Variants in KCNMB3 observed in about 807,000 individuals in gnomAD.
KCNMB3 encodes the protein calcium-activated potassium channel subunit beta-3.
Under a neutral mutation model 11.9 loss-of-function variants are expected in KCNMB3, and 18 were observed. The ratio of observed to expected loss-of-function variants is 1.51; its 90% confidence interval spans 1.04 to 2.23. The LOEUF (loss-of-function observed/expected upper bound fraction) is 2.23, where lower values mean the gene tolerates loss of function less well. KCNMB3 is among the 30% of genes most tolerant of loss of function. The probability of loss-of-function intolerance (pLI) is 0.00; values close to 1 mark genes in which losing one functional copy is unlikely to be tolerated. For synonymous variants in KCNMB3, 78 were observed against 119.2 expected (o/e 0.65, Z 2.25); for missense variants, 247 against 329.4 (o/e 0.75, Z 1.94).
At position 179,244,664 on chromosome 3, in the gene KCNMB3, G is replaced by A; in HGVS notation, c.278C>T (p.Ala93Val). 1 of 1,613,806 alleles carries A rather than the reference G, an allele frequency of 6.2e-7. No individual in the cohort carries two copies. The highest frequency in any genetic ancestry group is 1.3e-5 in the African/African-American group (1 of 74,898). Residue 93 changes from alanine (A) to valine (V), a missense_variant, in exon 2 of 3, where the codon GCC (alanine) becomes GTC (valine). Physicochemically the swap from Ala to Val is moderately conservative, Grantham distance 64. Transcript: ENST00000392685. ...SIQREESTCT[A>V]IHTDIMDDWL... ...GTCGTCCATGATATCTGTGTGGATG[G>A]CAGTGCAGGTCGATTCTTCTCTCTG...
intron 1 of KCNMB3, among the ~76,000 whole-genome samples, chr3:179,248,147 G>A (rs927178018): frequency 4.6e-5 from 7 of 151,952 alleles, no homozygotes; most frequent in Non-Finnish European, 8.8e-5. Flanking sequence ...CAAGTCTTAC[G>A]TCAGAATGAC....
rs1410148138 is a variant in KCNMB3, at chr3:179,266,803, A to G, written c.-93T>C. On this transcript the variant is annotated 5_prime_UTR_variant, in exon 1 of 4. Coordinates refer to the KCNMB3 transcript ENST00000349697. ...GAAGCTTAGACATCCACGGAAGTGGAGTCCCAGCGGGAGCCCCCAGCCCCC... is the reference window on the plus strand; with the variant it reads ...GAAGCTTAGACATCCACGGAAGTGGGGTCCCAGCGGGAGCCCCCAGCCCCC... 22 of 1,527,190 alleles carry G rather than the reference A, an allele frequency of 1.4e-5. No homozygotes were observed. The Admixed American group carries it at 4.4e-4, about 31-fold the overall frequency. 94.6% of individuals were successfully genotyped at this position (1,527,190 alleles called of 1,614,324 possible). A position where few individuals can be genotyped will look rare whatever the true frequency, so the allele number is the denominator to read the frequency against.
At chr3:179,265,565 T>C (rs1231696035) in intron 1 of KCNMB3, among the ~76,000 whole-genome samples, 1 of 152,180 alleles carries the variant, frequency 6.6e-6, no homozygotes, top group African/African-American at 2.4e-5. Flanking sequence ...CAAGCAATTC[T>C]CCAGCCTCAG....
chr3:179,247,605 C>A (rs545821404), intron 1 of KCNMB3, among the ~76,000 whole-genome samples: 1 of 152,114 alleles, frequency 6.6e-6, no homozygotes, highest in African/African-American at 2.4e-5. Flanking sequence ...GGTTTCCTAG[C>A]AGCCAAAGCA....
intron 1 of KCNMB3, among the ~76,000 whole-genome samples, chr3:179,248,802 A>T (rs1342754886): frequency 3.3e-5 from 5 of 151,994 alleles, no homozygotes; most frequent in East Asian, 1.9e-4. Flanking sequence ...CAGTTGATTA[A>T]GACATATTTT....
chr3:179,260,081 GTCA>G (rs1318238556), intron 1 of KCNMB3: 4 of 1,608,500 alleles, frequency 2.5e-6, no homozygotes, highest in Non-Finnish European at 2.6e-6. Flanking sequence ...CCATACATCT[GTCA>G]TCATGATAAA....
intron 1 of KCNMB3, among the ~76,000 whole-genome samples, chr3:179,256,713 GA>G (rs1318479310): frequency 6.6e-6 from 1 of 151,546 alleles, no homozygotes; most frequent in Admixed American, 6.6e-5. Context: ...GAATGGAAGG[GA>G]AAAAAATCAA....
rs1553827883 is a variant in KCNMB3 at position 179,244,702 on chromosome 3, T to TGA, written c.249-11_249-10dup. ...ATTCTTCTCTCTGAATGCTTCAATT[T>TGA]GAAAAAAAAAAAATGTTCTTCACTT... On this transcript the variant is annotated splice_polypyrimidine_tract_variant and intron_variant, in intron 1 of 2. Transcript: ENST00000392685. 2 of 1,555,632 alleles carry TGA rather than the reference T, an allele frequency of 1.3e-6. No homozygotes were observed. The highest frequency in any genetic ancestry group is 1.7e-6 in the Non-Finnish European group (2 of 1,158,110).
At chr3:179,258,208 T>C (rs1057012907) in intron 1 of KCNMB3, among the ~76,000 whole-genome samples, 13 of 152,188 alleles carry the variant, frequency 8.5e-5, no homozygotes, top group Non-Finnish European at 1.3e-4. Flanking sequence ...AAAATGACTG[T>C]CCCTGCTCAA....
chr3:179,260,149 C>T (rs2108455983), intron 1 of KCNMB3: 2 of 1,609,348 alleles, frequency 1.2e-6, no homozygotes, highest in Middle Eastern at 3.3e-4. Flanking sequence ...GCCTGCTCTC[C>T]AACCTGAGTC....
In KCNMB3 at chr3:179,250,803, C is replaced by A; in HGVS notation, c.188G>T (p.Gly63Val). ...RAVMLGFAMM[G>V]FSVLMFFLLG... ...CAAGAAGAACATTAGGACTGAGAAG[C>A]CCATCATGGCAAACCCCAGCATCAC... Residue 63 changes from glycine to valine, a missense_variant, in exon 1 of 3, where the codon GGC (glycine) becomes GTC (valine). Physicochemically the swap from Gly to Val is moderately radical, Grantham distance 109. Transcript: ENST00000392685. 3.7e-6 allele frequency: 6 copies of A among 1,614,154 alleles called. No homozygotes were observed. Among genetic ancestry groups the A allele is most frequent in the Non-Finnish European group, 5.1e-6 (6 of 1,180,030 alleles).
At chr3:179,247,441 G>A (rs1345525256) in intron 1 of KCNMB3, among the ~76,000 whole-genome samples, 3 of 151,962 alleles carry the variant, frequency 2.0e-5, no homozygotes, top group South Asian at 2.1e-4. Flanking sequence ...CAAGAGAATC[G>A]CTTGAGCCTA....
Position 179,249,398 on chromosome 3 carries a change from C to G in KCNMB3, c.248+1345G>C, listed in dbSNP as rs562182077. Among the ~76,000 whole-genome samples the G allele has an allele frequency of 1.6e-3, 243 of 151,416 alleles. 2 individuals are homozygous for G. Among genetic ancestry groups the G allele is most frequent in the Non-Finnish European group, 2.2e-3 (146 of 67,840 alleles). On this transcript the variant is annotated intron_variant, in intron 1 of 2. Transcript: ENST00000392685. ...AATCATGGCCAGGCATGGTGGCTCA[C>G]GCCTGTAATCCCAGCACTTTGGGAG...
intron 1 of KCNMB3, among the ~76,000 whole-genome samples, chr3:179,245,901 G>C (rs951469888): frequency 6.6e-6 from 1 of 152,176 alleles, no homozygotes; most frequent in African/African-American, 2.4e-5. Context: ...TGAAGACCTT[G>C]TGGTGATGTT....
At chr3:179,255,237 G>A (rs9817488), upstream of KCNMB3, among the ~76,000 whole-genome samples, 14,310 of 151,090 alleles carry the variant, frequency 0.095, 996 homozygotes, top group African/African-American at 0.19. Context: ...AAATCAAGGC[G>A]TTTGAGTGCA....
At chr3:179,266,217 A>G (rs942105050) in intron 1 of KCNMB3, among the ~76,000 whole-genome samples, 9 of 152,174 alleles carry the variant, frequency 5.9e-5, no homozygotes, top group Admixed American at 3.9e-4. Flanking sequence ...GGCTTCACCA[A>G]TGGGACCTGC....
At chr3:179,244,448 G>A (rs894129254) in intron 2 of KCNMB3, 47 bp downstream of exon 2, 3 of 1,490,854 alleles carry the variant, frequency 2.0e-6, no homozygotes, top group African/African-American at 2.8e-5. Flanking sequence ...GGGACAGTCT[G>A]GCAGGGAAGG....
chr3:179,242,666 A>T, downstream of KCNMB3: 1 of 622,064 alleles, frequency 1.6e-6, no homozygotes, highest in South Asian at 3.5e-5. Flanking sequence ...ACAGGAAAAA[A>T]AACAGTGCTT....
downstream of KCNMB3, chr3:179,239,882 A>T (rs867869263): frequency 9.5e-6 from 6 of 632,990 alleles, no homozygotes; most frequent in Middle Eastern, 4.4e-4. Flanking sequence ...CATTTGACAC[A>T]GCAAGATGCA....
Sources: gnomAD v4.1 joint callset for allele counts (sites outside exome capture counted in the v4.1 genomes callset) on GRCh38, gnomAD v4.1.1 for gene constraint, MANE v1.5 for transcripts, NCBI Gene and HGNC (gene_info 2026-07-23, HGNC 2026-07-21) for gene names.